Variants in SP140 observed in about 807,000 individuals in gnomAD.
SP140 encodes the protein nuclear body protein SP140.
SP140 carries 81 observed loss-of-function variants against 125.0 expected under a neutral mutation model. The ratio of observed to expected loss-of-function variants is 0.65; its 90% confidence interval spans 0.54 to 0.78. The LOEUF (loss-of-function observed/expected upper bound fraction) is 0.78. Among genes scored for constraint, SP140 ranks in the 30% least tolerant of loss-of-function variants. The pLI is 0.00. For synonymous variants in SP140, 312 were observed against 354.0 expected (o/e 0.88, Z 1.33); for missense variants, 858 against 1,037.0 (o/e 0.83, Z 2.37).
chr2:230,235,387 T>C (rs985586370), intron 1 of SP140, among the ~76,000 whole-genome samples: 1 of 152,238 alleles, frequency 6.6e-6, no homozygotes, highest in African/African-American at 2.4e-5. Context: ...CTCTTCATCA[T>C]TGTAACTTTA....
upstream of SP140, among the ~76,000 whole-genome samples, chr2:230,199,250 C>G (rs186605857): frequency 7.8e-5 from 11 of 141,722 alleles, no homozygotes; most frequent in African/African-American, 2.9e-4. Flanking sequence ...ACTCTGTCAC[C>G]TAGGCTAGAG....
chr2:230,298,418 A>G (rs2057965560), intron 22 of SP140, among the ~76,000 whole-genome samples: 2 of 152,162 alleles, frequency 1.3e-5, no homozygotes, highest in South Asian at 2.1e-4. Context: ...GCAGTCCTCC[A>G]ATCAGATTTA....
intron 1 of SP140, among the ~76,000 whole-genome samples, chr2:230,232,237 T>C (rs1001376223): frequency 1.3e-5 from 2 of 152,224 alleles, no homozygotes; most frequent in East Asian, 3.8e-4. Context: ...GGGCCTGCCC[T>C]GAGATGATGA....
At chr2:230,187,691 G>C in the SP140 span, among the ~76,000 whole-genome samples, 1 of 152,074 alleles carries the variant, frequency 6.6e-6, no homozygotes, top group Non-Finnish European at 1.5e-5. Flanking sequence ...TAGGGATCCA[G>C]TTTTATTCTT....
chr2:230,237,541 G>A lies in SP140; in HGVS notation c.237+281G>A, dbSNP rs1317748499. On this transcript the variant is annotated intron_variant, in intron 2 of 26. Coordinates refer to ENST00000392045, the MANE Select transcript of SP140 (RefSeq NM_007237.5). The surrounding 1 kb of genome is among the most constrained non-coding windows in gnomAD (Gnocchi z 5.4). Reference sequence around the variant, plus strand: ...ACTTGTAAACAATCTACTAATGGTAGCCATAATTAAAATAAATAAGTGACC... The same window carrying A: ...ACTTGTAAACAATCTACTAATGGTAACCATAATTAAAATAAATAAGTGACC... 1 of 265,304 alleles carries A rather than the reference G, an allele frequency of 3.8e-6. No homozygotes were observed. Among genetic ancestry groups the A allele is most frequent in the East Asian group, 7.0e-5 (1 of 14,288 alleles). The allele number at this position is 265,304 out of a possible 1,614,324, so 16.4% of individuals were successfully genotyped here.
intron 1 of SP140, among the ~76,000 whole-genome samples, chr2:230,228,538 A>C (rs923889687): frequency 2.6e-5 from 4 of 152,304 alleles, no homozygotes; most frequent in Non-Finnish European, 4.4e-5. Context: ...TTATAGTTCT[A>C]TCAGTTTTTG....
chr2:230,285,814 G>T lies in SP140; in HGVS notation c.1627G>T (p.Asp543Tyr), dbSNP rs1185234610. Residue 543 changes from aspartate to tyrosine, a missense_variant, in exon 17 of 27, where the codon GAC (aspartate) becomes TAC (tyrosine). Coordinates refer to ENST00000392045, the MANE Select transcript of SP140 (RefSeq NM_007237.5). ...SEKKANVNLK[D>Y]LSKIRGRKRG... is the part of the protein sequence containing the mutation. ...AAAGAAGGCGAACGTGAATCTGAAA[G>T]ACCTTTCCAAGATTAGGGGTAAGAT... 6.2e-7 allele frequency: 1 copy of T among 1,613,304 alleles called. No individual in the cohort carries two copies.
intron 3 of SP140, chr2:230,238,951 G>T: frequency 6.5e-7 from 1 of 1,536,622 alleles, no homozygotes; most frequent in South Asian, 1.2e-5. Context: ...TGGGAGGCAG[G>T]GTGTGAGAGC....
the SP140 span, among the ~76,000 whole-genome samples, chr2:230,196,079 T>C: frequency 4.3e-4 from 66 of 152,290 alleles, no homozygotes; most frequent in South Asian, 0.013. Context: ...ACATCCAGCA[T>C]TGAGGATGTA....
intron 21 of SP140, 91 bp downstream of exon 21, chr2:230,294,409 G>A (rs895676422): frequency 2.1e-6 from 2 of 948,182 alleles, no homozygotes; most frequent in East Asian, 2.5e-5. Context: ...AATTGGGTAG[G>A]AATAATTAAG....
At chr2:230,228,967 TCTTC>T (rs1337978592) in intron 1 of SP140, among the ~76,000 whole-genome samples, 1 of 152,184 alleles carries the variant, frequency 6.6e-6, no homozygotes, top group Non-Finnish European at 1.5e-5. Context: ...TTTTATCTTT[TCTTC>T]CTTTTTTCCT....
In SP140 at chr2:230,277,249, A is replaced by G. The variant is rs543917186; in HGVS notation, c.1498+6610A>G. ...AATTTCCACAGACACCTCAGCCTTC[A>G]TCAGTCACCACCCTAGTCAGTCAGT... On this transcript the variant is annotated intron_variant, in intron 15 of 26. Coordinates refer to ENST00000392045, the MANE Select transcript of SP140 (RefSeq NM_007237.5). Among the ~76,000 whole-genome samples, 29 of 152,258 alleles carry G rather than the reference A, an allele frequency of 1.9e-4. No homozygotes were observed. The East Asian group carries it at 5.6e-3, about 29-fold the overall frequency.
At position 230,272,914 on chromosome 2, in the gene SP140, C is replaced by T. The variant is rs573539195; in HGVS notation, c.1498+2275C>T. ...ATATACAGAAAATTGAAACTGGACCCCTTCCTTACACCATATACAAAAATT... is the reference window on the plus strand; with the variant it reads ...ATATACAGAAAATTGAAACTGGACCTCTTCCTTACACCATATACAAAAATT... On this transcript the variant is annotated intron_variant, in intron 15 of 26. Coordinates refer to ENST00000392045, the MANE Select transcript of SP140 (RefSeq NM_007237.5). Among the ~76,000 whole-genome samples the T allele has an allele frequency of 7.1e-4, 108 of 152,214 alleles. No homozygotes were observed. In the South Asian group the frequency reaches 0.013, roughly 19 times the overall value.
At position 230,245,946 on chromosome 2, in the gene SP140, TA is replaced by T; in HGVS notation, c.742+7del. On this transcript the variant is annotated splice_region_variant and intron_variant, in intron 7 of 26. Transcript: ENST00000392045. ...ACTGCCTTATGATACAGAAGGTAATTAGGATTTAAATTAAAGCTTTATTTTT... is the reference window on the plus strand; with the variant it reads ...ACTGCCTTATGATACAGAAGGTAATTGGATTTAAATTAAAGCTTTATTTTT... The T allele has an allele frequency of 6.5e-7, 1 of 1,548,650 alleles. No individual in the cohort carries two copies. Among genetic ancestry groups the T allele is most frequent in the South Asian group, 1.1e-5 (1 of 89,740 alleles).
chr2:230,294,741 A>G (rs1440865315), intron 21 of SP140, among the ~76,000 whole-genome samples: 1 of 152,246 alleles, frequency 6.6e-6, no homozygotes, highest in Non-Finnish European at 1.5e-5. Context: ...TTAGTGAAAT[A>G]GGATGGAGCA....
intron 3 of SP140, among the ~76,000 whole-genome samples, chr2:230,219,214 G>C (rs1451208905): frequency 6.6e-6 from 1 of 152,202 alleles, no homozygotes; most frequent in Admixed American, 6.5e-5. Flanking sequence ...GACAGAGCGA[G>C]ACTCCGTCTC....
At chr2:230,206,576 ATAT>A (rs2043829886) in intron 1 of SP140, among the ~76,000 whole-genome samples, 1 of 129,632 alleles carries the variant, frequency 7.7e-6, no homozygotes, top group African/African-American at 2.8e-5. Flanking sequence ...CAGATATTAT[ATAT>A]TATCTGGTCC....
the SP140 span, among the ~76,000 whole-genome samples, chr2:230,188,648 T>C: frequency 6.6e-6 from 1 of 152,232 alleles, no homozygotes; most frequent in Non-Finnish European, 1.5e-5. Flanking sequence ...TTTATAACTT[T>C]GAGGTAAGCC....
Position 230,228,711 on chromosome 2 carries a change from C to A in SP140, c.59+2808C>A, listed in dbSNP as rs567049613. Among the ~76,000 whole-genome samples, 4 of 152,262 alleles carry A rather than the reference C, an allele frequency of 2.6e-5. No individual in the cohort carries two copies. In the South Asian group the frequency reaches 8.3e-4, roughly 32 times the overall value. ...GTCTGAAATTGATATAGCTACTATA[C>A]CTTTTCTTTGATTAGTGTTGGCATG... On this transcript the variant is annotated intron_variant, in intron 1 of 26. Coordinates refer to ENST00000392045, the MANE Select transcript of SP140 (RefSeq NM_007237.5).
Sources: allele counts gnomAD v4.1 joint callset (sites outside exome capture counted in the v4.1 genomes callset), GRCh38; gene constraint gnomAD v4.1.1; non-coding constraint Gnocchi (gnomAD v3.1); transcripts MANE v1.5; gene names NCBI Gene and HGNC (gene_info 2026-07-23, HGNC 2026-07-21).